Variants in AGBL4 observed in about 807,000 individuals in gnomAD.
The protein encoded by AGBL4 is cytosolic carboxypeptidase 6.
AGBL4 carries 58 observed loss-of-function variants against 66.4 expected under a neutral mutation model. The ratio of observed to expected loss-of-function variants is 0.87; its 90% confidence interval spans 0.71 to 1.09. The LOEUF (loss-of-function observed/expected upper bound fraction) is 1.09, where lower values mean the gene tolerates loss of function less well. AGBL4 is among the 50% of genes least tolerant of loss of function. The pLI, the probability that AGBL4 is intolerant of heterozygous loss-of-function variation, is 0.00. For missense variants in AGBL4, 579 were observed against 631.0 expected, an observed-to-expected ratio of 0.92 and a Z score of 0.88; for synonymous variants, 234 against 222.9, an observed-to-expected ratio of 1.05 and a Z score of -0.44.
intron 5 of AGBL4, among the ~76,000 whole-genome samples, chr1:48,930,550 C>T (rs1654952867): frequency 6.6e-6 from 1 of 152,144 alleles, no homozygotes; most frequent in Non-Finnish European, 1.5e-5. Flanking sequence ...CTCACAGTTA[C>T]TTTAGGATGA....
chr1:49,236,448 T>G (rs1024554465), intron 4 of AGBL4, among the ~76,000 whole-genome samples: 1 of 152,198 alleles, frequency 6.6e-6, no homozygotes, highest in Non-Finnish European at 1.5e-5. Flanking sequence ...TTCTGGGATT[T>G]TTGACATTCT....
intron 3 of AGBL4, among the ~76,000 whole-genome samples, chr1:49,636,167 A>T (rs1396174202): frequency 6.6e-6 from 1 of 152,218 alleles, no homozygotes; most frequent in Non-Finnish European, 1.5e-5. Flanking sequence ...TGAGTGTTAT[A>T]ACAAAATATA....
chr1:48,953,432 A>T (rs1319004877), intron 5 of AGBL4, among the ~76,000 whole-genome samples: 1 of 152,106 alleles, frequency 6.6e-6, no homozygotes, highest in East Asian at 1.9e-4. Flanking sequence ...CTCAGAATTG[A>T]TTGCTTGTGT....
At chr1:50,012,075 C>T (rs1041888249) in intron 1 of AGBL4, among the ~76,000 whole-genome samples, 6 of 150,298 alleles carry the variant, frequency 4.0e-5, no homozygotes, top group Non-Finnish European at 7.4e-5. Context: ...AGGAGAATGG[C>T]GTGAACCTGG....
chr1:48,531,865 C>A (rs374702685), downstream of AGBL4, among the ~76,000 whole-genome samples: 15 of 152,204 alleles, frequency 9.9e-5, no homozygotes, highest in East Asian at 1.2e-3. Flanking sequence ...CTCACTGCAA[C>A]CTTCACCTCC....
At chr1:49,341,096 T>C (rs1040889840) in intron 3 of AGBL4, among the ~76,000 whole-genome samples, 1 of 152,176 alleles carries the variant, frequency 6.6e-6, no homozygotes, top group African/African-American at 2.4e-5. Flanking sequence ...AATGCCCTAA[T>C]CTATGTATTG....
At chr1:48,597,817 GAA>G (rs1645017770) in intron 9 of AGBL4, among the ~76,000 whole-genome samples, 1 of 141,308 alleles carries the variant, frequency 7.1e-6, no homozygotes, top group South Asian at 2.2e-4. Context: ...GAAAGAGAGA[GAA>G]AGAAAGAGAA....
intron 2 of AGBL4, among the ~76,000 whole-genome samples, chr1:49,835,264 G>T (rs1480835407): frequency 6.6e-6 from 1 of 152,142 alleles, no homozygotes; most frequent in African/African-American, 2.4e-5. Context: ...CCTATATTGG[G>T]TGCATATGTA....
At chr1:49,977,507 G>T (rs966967150) in intron 1 of AGBL4, among the ~76,000 whole-genome samples, 1 of 152,218 alleles carries the variant, frequency 6.6e-6, no homozygotes, top group Non-Finnish European at 1.5e-5. Context: ...TTCACTGAAG[G>T]ACCAGACGGT....
intron 3 of AGBL4, among the ~76,000 whole-genome samples, chr1:49,490,471 A>G (rs1213369601): frequency 6.6e-6 from 1 of 151,644 alleles, no homozygotes; most frequent in Non-Finnish European, 1.5e-5. Context: ...AATATTCATA[A>G]AATTTCTTTC....
At chr1:49,267,398 A>T (rs1482180606) in intron 3 of AGBL4, among the ~76,000 whole-genome samples, 1 of 152,150 alleles carries the variant, frequency 6.6e-6, no homozygotes, top group Non-Finnish European at 1.5e-5. Flanking sequence ...GACATACCCA[A>T]GGCGAGGCAC....
Position 49,286,900 on chromosome 1 carries a change from G to A in AGBL4, c.283-41036C>T, listed in dbSNP as rs111569633. Among the ~76,000 whole-genome samples the A allele has an allele frequency of 5.5e-3, 839 of 152,098 alleles. 5 individuals carry two copies. The highest frequency in any genetic ancestry group is 7.0e-3 in the Non-Finnish European group (474 of 67,976). On this transcript the variant is annotated intron_variant, in intron 3 of 13. Coordinates refer to ENST00000371839, the MANE Select transcript of AGBL4 (RefSeq NM_032785.4). ...ATGGAACCAAAAAAGAGCCCGCATC[G>A]CCAAGTCAATCCTAAGCCAAAAGAA...
intron 2 of AGBL4, among the ~76,000 whole-genome samples, chr1:49,776,263 C>T (rs1156384024): frequency 2.6e-5 from 4 of 152,068 alleles, no homozygotes; most frequent in Non-Finnish European, 4.4e-5. Context: ...CACAGGCTAC[C>T]TTTCATCTGG....
chr1:49,758,093 AG>A (rs1255567107), intron 2 of AGBL4, among the ~76,000 whole-genome samples: 3 of 152,178 alleles, frequency 2.0e-5, no homozygotes, highest in Non-Finnish European at 4.4e-5. Context: ...TGTGGCTAAA[AG>A]GGGCCAAGGT....
At chr1:48,600,629 A>C (rs1645061582) in intron 9 of AGBL4, among the ~76,000 whole-genome samples, 2 of 152,218 alleles carry the variant, frequency 1.3e-5, no homozygotes, top group African/African-American at 4.8e-5. Flanking sequence ...AACCAAGGCA[A>C]AGAGCTTGCA....
At chr1:49,445,817 T>C (rs1313328788) in intron 3 of AGBL4, among the ~76,000 whole-genome samples, 1 of 152,088 alleles carries the variant, frequency 6.6e-6, no homozygotes, top group East Asian at 1.9e-4. Context: ...GTATCTCACT[T>C]ACCTTCTTTA....
chr1:49,653,881 C>T (rs1646060413), intron 3 of AGBL4, among the ~76,000 whole-genome samples: 1 of 151,588 alleles, frequency 6.6e-6, no homozygotes, highest in South Asian at 2.1e-4. Context: ...GAGAATGGAA[C>T]CAAGTTCAAA....
intron 6 of AGBL4, among the ~76,000 whole-genome samples, chr1:48,778,889 A>T (rs747969818): frequency 3.3e-5 from 5 of 152,102 alleles, no homozygotes; most frequent in Non-Finnish European, 7.4e-5. Context: ...TTTTTAAACC[A>T]ACCCACTGGT....
intron 3 of AGBL4, among the ~76,000 whole-genome samples, chr1:49,264,418 A>G (rs1570273065): frequency 6.6e-6 from 1 of 152,318 alleles, no homozygotes; most frequent in East Asian, 1.9e-4. Flanking sequence ...CATTTATTGA[A>G]TAAGTCATTC....
Sources: allele counts gnomAD v4.1 joint callset (sites outside exome capture counted in the v4.1 genomes callset), GRCh38; gene constraint gnomAD v4.1.1; transcripts MANE v1.5; gene names NCBI Gene and HGNC (gene_info 2026-07-23, HGNC 2026-07-21).